The following ZNF787 variants were observed in gnomAD, a reference collection of about 807,000 sequenced individuals.
ZNF787 encodes the protein TTF-I-interacting peptide 20.
Under a neutral mutation model 16.9 loss-of-function variants are expected in ZNF787, and 7 were observed. That is an observed-to-expected ratio of 0.42 (90% confidence interval 0.24 to 0.78). The LOEUF (loss-of-function observed/expected upper bound fraction) is 0.78. Among genes scored for constraint, ZNF787 ranks in the 30% least tolerant of loss-of-function variants. The pLI, the probability that ZNF787 is intolerant of heterozygous loss-of-function variation, is 0.30. For synonymous variants in ZNF787, 345 were observed against 270.9 expected (o/e 1.27, Z -2.69); for missense variants, 551 against 589.3 (o/e 0.94, Z 0.67).
intron 2 of ZNF787, among the ~76,000 whole-genome samples, chr19:56,090,448 C>T (rs937032236): frequency 6.6e-6 from 1 of 152,158 alleles, no homozygotes; most frequent in Admixed American, 6.5e-5. Flanking sequence ...ACAGGCAGCA[C>T]ACCCTACACG....
In ZNF787 at chr19:56,087,978, C is replaced by T; in HGVS notation, c.*45G>A. The T allele has an allele frequency of 2.3e-6, 3 of 1,302,010 alleles. No individual in the cohort carries two copies. The highest frequency in any genetic ancestry group is 3.0e-4 in the Middle Eastern group (1 of 3,362). 80.7% of individuals were successfully genotyped at this position (1,302,010 alleles called of 1,614,324 possible). On this transcript the variant is annotated 3_prime_UTR_variant, in exon 3 of 3. Transcript: ENST00000610935. ...TTGGTCTTGCACGTCGTCGCTCCCG[C>T]CAAGCCCGAGGGGCCCTGCCCGCCC...
chr19:56,087,745 T>C lies in ZNF787; in HGVS notation c.*278A>G. 1 of 324,322 alleles carries C rather than the reference T, an allele frequency of 3.1e-6. No homozygotes were observed. 20.1% of individuals were successfully genotyped at this position (324,322 alleles called of 1,614,324 possible). On this transcript the variant is annotated 3_prime_UTR_variant, in exon 3 of 3. Coordinates refer to ENST00000610935, the MANE Select transcript of ZNF787 (RefSeq NM_001002836.4). ...TGGGGCCTGGTCGCCACTCGGCCTC[T>C]GCAGTTCTCTCCATTGTCTCTCCGG...
At chr19:56,115,948 C>A (rs2030123883) in intron 1 of ZNF787, among the ~76,000 whole-genome samples, 1 of 152,132 alleles carries the variant, frequency 6.6e-6, no homozygotes, top group African/African-American at 2.4e-5. Flanking sequence ...GCCAAAAGCC[C>A]CACACACCTA....
chr19:56,117,787 CCAG>C (rs1326283035), intron 1 of ZNF787, among the ~76,000 whole-genome samples: 1 of 152,232 alleles, frequency 6.6e-6, no homozygotes, highest in African/African-American at 2.4e-5. Flanking sequence ...GGGGCTATTT[CCAG>C]CAAAGACCCT....
chr19:56,096,227 CTAAAAAAATAAAAAAAA>C (rs1161084698), intron 2 of ZNF787, among the ~76,000 whole-genome samples: 10 of 13,390 alleles, frequency 7.5e-4, no homozygotes, highest in Admixed American at 1.9e-3. Context: ...GACCCCGTCT[CTAAAAAAATAAAAAAAA>C]TAAAAAAATA....
chr19:56,092,024 CG>C, intron 2 of ZNF787, among the ~76,000 whole-genome samples: 1 of 142,048 alleles, frequency 7.0e-6, no homozygotes, highest in Non-Finnish European at 1.5e-5. Flanking sequence ...AAACCGAAGC[CG>C]AAGCCGAAGC....
At chr19:56,098,957 C>A (rs1985988563) in intron 2 of ZNF787, among the ~76,000 whole-genome samples, 1 of 152,176 alleles carries the variant, frequency 6.6e-6, no homozygotes, top group Admixed American at 6.5e-5. Context: ...TTCCTGGGGA[C>A]CCACCACCTG....
At chr19:56,109,605 C>A (rs901708873) in intron 1 of ZNF787, among the ~76,000 whole-genome samples, 5 of 152,202 alleles carry the variant, frequency 3.3e-5, no homozygotes, top group Admixed American at 6.5e-5. Context: ...GTAAAAATAA[C>A]ATTTGTGGCC....
chr19:56,101,523 C>A (rs1384291797), intron 2 of ZNF787: 1 of 152,278 alleles, frequency 6.6e-6, no homozygotes, highest in Non-Finnish European at 1.5e-5. Flanking sequence ...TGAACTTACT[C>A]AAAGACAAGC....
chr19:56,100,922 C>G (rs1323167684), intron 2 of ZNF787, among the ~76,000 whole-genome samples: 1 of 142,304 alleles, frequency 7.0e-6, no homozygotes, highest in Non-Finnish European at 1.5e-5. Flanking sequence ...CCCCACCACT[C>G]CACCCCCACG....
rs146027939 is a variant in ZNF787, at chr19:56,096,432, G to A, written c.79+6707C>T. Among the ~76,000 whole-genome samples the A allele has an allele frequency of 9.5e-4, 143 of 150,736 alleles. 1 individual carries two copies. The East Asian group carries it at 0.027, about 29-fold the overall frequency. On this transcript the variant is annotated intron_variant, in intron 2 of 2. Coordinates refer to ENST00000610935, the MANE Select transcript of ZNF787 (RefSeq NM_001002836.4). ...AGACCCTGTCTCCAAAAAATAAAAAGAGATAGGCTGGGCCGCTCATGCCTG... is the reference window on the plus strand; with the variant it reads ...AGACCCTGTCTCCAAAAAATAAAAAAAGATAGGCTGGGCCGCTCATGCCTG...
At position 56,088,113 on chromosome 19, in the gene ZNF787, G is replaced by A. The variant is rs1985398329; in HGVS notation, c.1059C>T (p.Ser353=). Residue 353 remains serine (S), a synonymous_variant, in exon 3 of 3, where the codon AGC becomes AGT. Transcript: ENST00000610935. The surrounding 1 kb of genome is among the most constrained non-coding windows in gnomAD (Gnocchi z 8.6). ...CCTCCTCCCCGCCCGCGCGGTAGTA[G>A]CTCTGTCCGCAGCTGCTGCAGACCG... ...APSVCSSCGQ[S]YYRAGGEEED... is the part of the protein sequence containing the mutation. The A allele has an allele frequency of 1.3e-6, 2 of 1,540,908 alleles. No homozygotes were observed. The highest frequency in any genetic ancestry group is 1.7e-6 in the Non-Finnish European group (2 of 1,150,308).
In ZNF787 at chr19:56,088,076, C is replaced by CGTT. The variant is rs1391181472; in HGVS notation, c.1095_1096insAAC (p.Asp365_Asp366insAsn). 1.2e-5 allele frequency: 16 copies of CGTT among 1,356,774 alleles called. No individual in the cohort carries two copies. In the East Asian group the frequency reaches 5.3e-4, roughly 45 times the overall value. The allele number at this position is 1,356,774 out of a possible 1,614,324, so 84.0% of individuals were successfully genotyped here. A position where few individuals can be genotyped will look rare whatever the true frequency, so the allele number is the denominator to read the frequency against. On this transcript the variant is annotated inframe_insertion, in exon 3 of 3. Transcript: ENST00000610935. The surrounding 1 kb of genome is among the most constrained non-coding windows in gnomAD (Gnocchi z 8.6). ...GGGCACCGCCCGCCCGCGGCCTCGT[C>CGTT]GTCGTCGTCCTCCTCCTCCCCGCCC...
intron 2 of ZNF787, among the ~76,000 whole-genome samples, chr19:56,094,781 G>C (rs8102375): frequency 6.6e-6 from 1 of 152,030 alleles, no homozygotes; most frequent in Non-Finnish European, 1.5e-5. Flanking sequence ...ATGGTTCAGG[G>C]ATGAAACTGT....
intron 1 of ZNF787, chr19:56,105,379 T>A (rs1199013501): frequency 6.6e-6 from 1 of 152,106 alleles, no homozygotes; most frequent in East Asian, 1.9e-4. Context: ...GGCTGCCAAC[T>A]TCGACAGCCG....
intron 1 of ZNF787, among the ~76,000 whole-genome samples, chr19:56,120,350 G>A (rs1249763306): frequency 6.6e-6 from 1 of 152,350 alleles, no homozygotes; most frequent in Non-Finnish European, 1.5e-5. Context: ...GGTGTCAGGA[G>A]GGCGGGGCTC....
intron 2 of ZNF787, among the ~76,000 whole-genome samples, chr19:56,097,355 G>A (rs984781704): frequency 6.6e-6 from 1 of 152,228 alleles, no homozygotes; most frequent in Non-Finnish European, 1.5e-5. Flanking sequence ...AAACGCCCCA[G>A]GTCAATCTAT....
intron 2 of ZNF787, among the ~76,000 whole-genome samples, chr19:56,091,173 T>C (rs115243387): frequency 0.015 from 2,347 of 152,296 alleles, 64 homozygotes; most frequent in African/African-American, 0.052. Context: ...GCAGTGTGAC[T>C]GAAGGGGACA....
chr19:56,088,260 C>T lies in ZNF787; in HGVS notation c.912G>A (p.Gly304=). ...GLLAHQRAQH[G]DGLGAAGGEE... ...CGCCCCCCGCCGCCCCGAGCCCGTCCCCGTGCTGGGCCCGCTGGTGCGCCA... is the reference window on the plus strand; with the variant it reads ...CGCCCCCCGCCGCCCCGAGCCCGTCTCCGTGCTGGGCCCGCTGGTGCGCCA... Residue 304 remains glycine (G), a synonymous_variant, in exon 3 of 3, where the codon GGG becomes GGA. Transcript: ENST00000610935. The surrounding 1 kb of genome is among the most constrained non-coding windows in gnomAD (Gnocchi z 8.6). 1 of 1,447,328 alleles carries T rather than the reference C, an allele frequency of 6.9e-7. No individual in the cohort carries two copies. Among genetic ancestry groups the T allele is most frequent in the Non-Finnish European group, 9.1e-7 (1 of 1,102,924 alleles). 89.7% of individuals were successfully genotyped at this position (1,447,328 alleles called of 1,614,324 possible).
Sources: allele counts gnomAD v4.1 joint callset (sites outside exome capture counted in the v4.1 genomes callset), GRCh38; gene constraint gnomAD v4.1.1; non-coding constraint Gnocchi (gnomAD v3.1); transcripts MANE v1.5; gene names NCBI Gene and HGNC (gene_info 2026-07-23, HGNC 2026-07-21).